Variants in PLCZ1 observed in about 807,000 individuals in gnomAD.
PLCZ1 encodes phospholipase C zeta 1.
PLCZ1 carries 64 observed loss-of-function variants against 76.8 expected under a neutral mutation model. That is an observed-to-expected ratio of 0.83 (90% CI 0.68 to 1.03). PLCZ1 has a LOEUF of 1.03. PLCZ1 is among the 50% of genes least tolerant of loss of function. The pLI, the probability that PLCZ1 is intolerant of heterozygous loss-of-function variation, is 0.00. For synonymous variants in PLCZ1, 248 were observed against 230.8 expected, an observed-to-expected ratio of 1.07 and a Z score of -0.68; for missense variants, 751 against 713.7, an observed-to-expected ratio of 1.05 and a Z score of -0.60.
At chr12:18,680,827 A>T (rs1464579627), downstream of PLCZ1, among the ~76,000 whole-genome samples, 1 of 152,044 alleles carries the variant, frequency 6.6e-6, no homozygotes, top group African/African-American at 2.4e-5. Flanking sequence ...GGAGATTTCA[A>T]AAAAGTAGAG....
Position 18,693,500 on chromosome 12 carries a change from C to A in PLCZ1, c.1461+1410G>T, listed in dbSNP as rs1196498280. ...CTTGTTAGCCAAAGCAGTAGCAAAC[C>A]AAACCTCAGCCACTTTCTTGAGAGT... On this transcript the variant is annotated intron_variant, in intron 12 of 14. Transcript: ENST00000266505. 2.2e-5 allele frequency: 35 copies of A among 1,610,236 alleles called. No homozygotes were observed. In the Middle Eastern group the frequency reaches 7.7e-4, roughly 35 times the overall value.
intron 12 of PLCZ1, among the ~76,000 whole-genome samples, chr12:18,689,087 C>T (rs1953651099): frequency 6.6e-6 from 1 of 152,040 alleles, no homozygotes; most frequent in Admixed American, 6.6e-5. Context: ...TATGACTATG[C>T]AACTGTTTAG....
chr12:18,710,592 G>A (rs1439886171), intron 6 of PLCZ1, among the ~76,000 whole-genome samples: 3 of 152,104 alleles, frequency 2.0e-5, no homozygotes, highest in East Asian at 3.9e-4. Flanking sequence ...AGATGAGATT[G>A]CAGGGGAATA....
At chr12:18,711,964 A>G (rs1366009949) in intron 6 of PLCZ1, among the ~76,000 whole-genome samples, 1 of 152,154 alleles carries the variant, frequency 6.6e-6, no homozygotes, top group East Asian at 1.9e-4. Context: ...TTTGTACTCC[A>G]TTTTAATATA....
rs79487790 is a variant in PLCZ1, at chr12:18,723,318, G to A, written c.360C>T (p.Ile120=). Residue 120 remains isoleucine (I), a synonymous_variant, in exon 4 of 15, where the codon ATC becomes ATT. Transcript: ENST00000266505. The part of the protein sequence containing the change: ...AFEIIQKYEP[I]EEVRKAHQMS... ...TTTGAAATGCAAACATACCTTCTTC[G>A]ATAGGCTCGTATTTCTGAATGATCT... 12 of 1,609,342 alleles carry A rather than the reference G, an allele frequency of 7.5e-6. No homozygotes were observed. Among genetic ancestry groups the A allele is most frequent in the South Asian group, 1.1e-5 (1 of 90,780 alleles).
Position 18,737,515 on chromosome 12 carries a change from G to A in PLCZ1, c.-138-6C>T. 9.1e-7 allele frequency: 1 copy of A among 1,103,002 alleles called. No individual in the cohort carries two copies. The highest frequency in any genetic ancestry group is 1.3e-6 in the Non-Finnish European group (1 of 748,708). The allele number at this position is 1,103,002 out of a possible 1,614,324, so 68.3% of individuals were successfully genotyped here. On this transcript the variant is annotated splice_region_variant and splice_polypyrimidine_tract_variant and intron_variant, in intron 1 of 14. Transcript: ENST00000266505. ...CATCAGCTGTTACCACTTTTCTAGG[G>A]AGAAAGCAGAGAACACACAGTGGTT...
chr12:18,734,285 T>C (rs1959176000), intron 3 of PLCZ1, among the ~76,000 whole-genome samples: 1 of 152,222 alleles, frequency 6.6e-6, no homozygotes, highest in African/African-American at 2.4e-5. Context: ...CAACACATTT[T>C]TACATAGTAA....
chr12:18,711,202 C>A (rs1022456586), intron 6 of PLCZ1, among the ~76,000 whole-genome samples: 22 of 151,610 alleles, frequency 1.5e-4, no homozygotes, highest in African/African-American at 4.8e-4. Context: ...TACTATGCAA[C>A]CATAAAAAAT....
chr12:18,690,862 C>A (rs775540627), intron 12 of PLCZ1, among the ~76,000 whole-genome samples: 3 of 152,072 alleles, frequency 2.0e-5, no homozygotes, highest in African/African-American at 4.8e-5. Context: ...GGATGAAAGG[C>A]TAGAAGTGGT....
At position 18,702,083 on chromosome 12, in the gene PLCZ1, T is replaced by A. The variant is rs187048091; in HGVS notation, c.865-307A>T. On this transcript the variant is annotated intron_variant, in intron 7 of 14. Coordinates refer to ENST00000266505, the MANE Select transcript of PLCZ1 (RefSeq NM_033123.4). ...GAAATATGTGAAAAGTATATATATA[T>A]AAATACTTACCATGATATTGCAATG... Among the ~76,000 whole-genome samples the A allele has an allele frequency of 3.5e-3, 537 of 152,218 alleles. 5 individuals carry two copies. Among genetic ancestry groups the A allele is most frequent in the African/African-American group, 0.012 (516 of 41,536 alleles).
the PLCZ1 span, among the ~76,000 whole-genome samples, chr12:18,663,248 TA>T: frequency 6.6e-6 from 1 of 152,048 alleles, no homozygotes; most frequent in South Asian, 2.1e-4. Flanking sequence ...GAAAAGGAAA[TA>T]AAAGACATCT....
At chr12:18,703,844 T>A (rs1024687327) in intron 7 of PLCZ1, among the ~76,000 whole-genome samples, 1 of 152,156 alleles carries the variant, frequency 6.6e-6, no homozygotes, top group Non-Finnish European at 1.5e-5. Flanking sequence ...TCCCAAGCCT[T>A]TTGATTATTT....
intron 5 of PLCZ1, among the ~76,000 whole-genome samples, chr12:18,717,276 T>C (rs1958096449): frequency 6.6e-6 from 1 of 152,176 alleles, no homozygotes; most frequent in Non-Finnish European, 1.5e-5. Flanking sequence ...GAAATTCCTA[T>C]AATGAAATTA....
intron 13 of PLCZ1, among the ~76,000 whole-genome samples, 185 bp from the exon 14 acceptor site, chr12:18,684,464 C>T (rs964987301): frequency 1.3e-5 from 2 of 152,004 alleles, no homozygotes; most frequent in Non-Finnish European, 2.9e-5. Flanking sequence ...TGAGTGTTTA[C>T]TATTGCTGGG....
At chr12:18,702,219 G>C (rs917259423) in intron 7 of PLCZ1, among the ~76,000 whole-genome samples, 1 of 151,568 alleles carries the variant, frequency 6.6e-6, no homozygotes, top group African/African-American at 2.4e-5. Context: ...TAAGTGTCTG[G>C]CATCTAGTAT....
chr12:18,730,677 T>C lies in PLCZ1; in HGVS notation c.135+5544A>G, dbSNP rs1415022643. 2.0e-5 allele frequency among the ~76,000 whole-genome samples: 3 copies of C among 152,288 alleles called. No homozygotes were observed. The East Asian group carries it at 5.8e-4, about 29-fold the overall frequency. On this transcript the variant is annotated intron_variant, in intron 3 of 14. Coordinates refer to ENST00000266505, the MANE Select transcript of PLCZ1 (RefSeq NM_033123.4). ...GTGAGCCATTTCCGTACTTTTATAA[T>C]GGTTGAGCATTCTATGTAATGCTTT... is the stretch of plus-strand genomic sequence containing the variant.
At chr12:18,685,778 A>G (rs1365808346) in intron 13 of PLCZ1, 1 of 365,942 alleles carries the variant, frequency 2.7e-6, no homozygotes, top group Non-Finnish European at 5.7e-6. Context: ...ATCCTACTTC[A>G]TTACACATGT....
In PLCZ1 at chr12:18,693,568, C is replaced by G. The variant is rs750483942; in HGVS notation, c.1461+1342G>C. On this transcript the variant is annotated intron_variant, in intron 12 of 14. Coordinates refer to ENST00000266505, the MANE Select transcript of PLCZ1 (RefSeq NM_033123.4). The stretch of plus-strand genomic sequence containing the variant: ...TTCAGAAGTACCTAGGTGATGGGCC[C>G]AAACTCGGACGGGAATTGTTTCGAG... The G allele has an allele frequency of 3.7e-6, 6 of 1,600,338 alleles. No individual in the cohort carries two copies. In the Admixed American group the frequency reaches 6.7e-5, roughly 18 times the overall value.
Position 18,683,192 on chromosome 12 carries a change from G to A in PLCZ1, c.*47C>T. ...AAACATAAAGACATTCATTTTGGCT[G>A]TTTTATTGCGATGCATAGCTAATGA... On this transcript the variant is annotated 3_prime_UTR_variant, in exon 15 of 15. Transcript: ENST00000266505. 1.3e-6 allele frequency: 2 copies of A among 1,519,460 alleles called. No individual in the cohort carries two copies. Among genetic ancestry groups the A allele is most frequent in the Non-Finnish European group, 1.8e-6 (2 of 1,095,244 alleles). 94.1% of individuals were successfully genotyped at this position (1,519,460 alleles called of 1,614,324 possible).
Sources: allele counts gnomAD v4.1 joint callset (sites outside exome capture counted in the v4.1 genomes callset), GRCh38; gene constraint gnomAD v4.1.1; transcripts MANE v1.5; gene names NCBI Gene and HGNC (gene_info 2026-07-23, HGNC 2026-07-21).